Variants in PAIP2 observed in about 807,000 individuals in gnomAD.
PAIP2 encodes the protein polyadenylate-binding protein-interacting protein 2.
In PAIP2, 7 loss-of-function variants were observed where a neutral mutation model predicts 14.8. The ratio of observed to expected loss-of-function variants is 0.47; its 90% CI spans 0.27 to 0.89. The LOEUF (loss-of-function observed/expected upper bound fraction) is 0.89. Ranked by LOEUF, PAIP2 falls within the 40% of genes least tolerant of loss-of-function variation. The pLI is 0.13. For synonymous variants in PAIP2, 47 were observed against 45.3 expected, an observed-to-expected ratio of 1.04 and a Z score of -0.15; for missense variants, 122 against 154.7, an observed-to-expected ratio of 0.79 and a Z score of 1.12.
intron 1 of PAIP2, among the ~76,000 whole-genome samples, chr5:139,354,443 C>T (rs1488645641): frequency 1.3e-5 from 2 of 152,062 alleles, no homozygotes; most frequent in Non-Finnish European, 2.9e-5. Context: ...TTTCAAGATG[C>T]TCTCTTTGTC....
At chr5:139,368,062 G>A (rs967759203) in intron 3 of PAIP2, among the ~76,000 whole-genome samples, 1 of 152,184 alleles carries the variant, frequency 6.6e-6, no homozygotes, top group East Asian at 1.9e-4. Flanking sequence ...TAGGCCGGGC[G>A]CGGTGGCTTA....
At chr5:139,345,429 G>A (rs1478468384) in intron 1 of PAIP2, among the ~76,000 whole-genome samples, 1 of 152,108 alleles carries the variant, frequency 6.6e-6, no homozygotes, top group Admixed American at 6.5e-5. Context: ...GTGGAAAACA[G>A]ACCAATTGAA....
intron 1 of PAIP2, among the ~76,000 whole-genome samples, chr5:139,355,393 A>T (rs1435142031): frequency 2.0e-5 from 3 of 151,826 alleles, no homozygotes; most frequent in Non-Finnish European, 2.9e-5. Flanking sequence ...GCTGGGCTTG[A>T]ACTCCTGACC....
At chr5:139,359,813 T>C (rs1006364525) in intron 1 of PAIP2, among the ~76,000 whole-genome samples, 1 of 150,852 alleles carries the variant, frequency 6.6e-6, no homozygotes, top group South Asian at 2.1e-4. Flanking sequence ...CTACTAAAAA[T>C]ACAAAAAAAT....
chr5:139,368,761 A>T lies in PAIP2; in HGVS notation c.347A>T (p.Lys116Met). Reference protein sequence around the residue: ...VVKSNLNPNAKEFVPGVKYGN... With the variant: ...VVKSNLNPNAMEFVPGVKYGN... ...AAGAGCAATCTGAATCCAAATGCAAAGGAGTTTGTTCCTGGGGTGAAGTAC... is the reference window on the plus strand; with the variant it reads ...AAGAGCAATCTGAATCCAAATGCAATGGAGTTTGTTCCTGGGGTGAAGTAC... The change falls in exon 4 of 4, where the codon AAG becomes ATG. Residue 116 changes from lysine to methionine, a missense_variant. Physicochemically the swap from Lys to Met is moderately conservative, Grantham distance 95. Around this residue, in one of 3 missense-constraint regions of PAIP2, gnomAD observed 46 missense variants for 44.0 expected, o/e 1.05. Coordinates refer to ENST00000265192, the MANE Select transcript of PAIP2 (RefSeq NM_016480.5). 6.2e-7 allele frequency: 1 copy of T among 1,613,712 alleles called. No individual in the cohort carries two copies. Among genetic ancestry groups the T allele is most frequent in the Non-Finnish European group, 8.5e-7 (1 of 1,179,734 alleles).
chr5:139,350,612 CAG>C (rs1345121809), intron 1 of PAIP2, among the ~76,000 whole-genome samples: 2 of 150,074 alleles, frequency 1.3e-5, no homozygotes. Context: ...GCCTGGGTGA[CAG>C]AGTGAGACTC....
intron 1 of PAIP2, among the ~76,000 whole-genome samples, chr5:139,345,359 C>T (rs911299509): frequency 3.3e-5 from 5 of 152,054 alleles, no homozygotes; most frequent in Admixed American, 6.6e-5. Context: ...GTTTTTTAAT[C>T]GTTACCTTAC....
intron 1 of PAIP2, among the ~76,000 whole-genome samples, chr5:139,362,242 G>A (rs1220961248): frequency 6.6e-6 from 1 of 151,844 alleles, no homozygotes; most frequent in Non-Finnish European, 1.5e-5. Flanking sequence ...GTTGTTTGAG[G>A]TGGAGTTTCC....
intron 1 of PAIP2, among the ~76,000 whole-genome samples, 190 bp from the exon 2 acceptor site, chr5:139,363,569 T>A (rs931501396): frequency 6.6e-5 from 10 of 151,556 alleles, no homozygotes; most frequent in Admixed American, 2.0e-4. Flanking sequence ...ATAAAAAAAA[T>A]TCAGCCGGGT....
chr5:139,345,347 A>G (rs960311286), intron 1 of PAIP2, among the ~76,000 whole-genome samples: 6 of 152,116 alleles, frequency 3.9e-5, no homozygotes, highest in African/African-American at 1.4e-4. Flanking sequence ...CCCAGAGCCC[A>G]TGTTTTTTAA....
chr5:139,360,775 T>G (rs1372409950), intron 1 of PAIP2, among the ~76,000 whole-genome samples: 1 of 150,706 alleles, frequency 6.6e-6, no homozygotes, highest in African/African-American at 2.4e-5. Context: ...CTTCCTGCCT[T>G]TCTTTTTTTT....
intron 1 of PAIP2, among the ~76,000 whole-genome samples, chr5:139,362,757 C>G (rs1470699648): frequency 1.3e-5 from 2 of 151,742 alleles, no homozygotes; most frequent in African/African-American, 4.8e-5. Flanking sequence ...TTAGGCTGGT[C>G]TCAAACTCCT....
chr5:139,347,938 G>A (rs56968301), intron 1 of PAIP2, among the ~76,000 whole-genome samples: 1 of 152,116 alleles, frequency 6.6e-6, no homozygotes, highest in Non-Finnish European at 1.5e-5. Context: ...TCGGGAGGCC[G>A]AGGTGGGCGG....
In PAIP2 at chr5:139,368,886, T is replaced by G; in HGVS notation, c.*88T>G. ...AGACTTAATTGTAAAAGCTCTCTTG[T>G]CACTGTGTTACACTTATGCATTGCC... On this transcript the variant is annotated 3_prime_UTR_variant, in exon 4 of 4. Coordinates refer to ENST00000265192, the MANE Select transcript of PAIP2 (RefSeq NM_016480.5). 9.8e-7 allele frequency: 1 copy of G among 1,017,436 alleles called. No individual in the cohort carries two copies. Among genetic ancestry groups the G allele is most frequent in the South Asian group, 1.3e-5 (1 of 74,176 alleles). The allele number at this position is 1,017,436 out of a possible 1,614,324, so 63.0% of individuals were successfully genotyped here.
chr5:139,366,777 G>T (rs894228543), intron 3 of PAIP2, among the ~76,000 whole-genome samples: 5 of 152,202 alleles, frequency 3.3e-5, no homozygotes, highest in Non-Finnish European at 5.9e-5. Flanking sequence ...TAAGAACACT[G>T]TGCCTGGATG....
chr5:139,358,547 C>T (rs1456693105), intron 1 of PAIP2, among the ~76,000 whole-genome samples: 3 of 150,048 alleles, frequency 2.0e-5, no homozygotes, highest in Admixed American at 2.0e-4. Flanking sequence ...AAAACGTGCT[C>T]ATATAAAAAC....
intron 1 of PAIP2, among the ~76,000 whole-genome samples, chr5:139,360,407 C>G (rs540848577): frequency 1.0e-3 from 157 of 152,318 alleles, no homozygotes; most frequent in Non-Finnish European, 1.9e-3. Flanking sequence ...CCTCAATTTC[C>G]TAACAAATCA....
Position 139,363,902 on chromosome 5 carries a change from G to A in PAIP2, c.118G>A (p.Glu40Lys). Residue 40 changes from glutamate to lysine, a missense_variant, in exon 2 of 4, where the codon GAA becomes AAA. Around this residue, in one of 3 missense-constraint regions of PAIP2, gnomAD observed 34 missense variants for 74.0 expected, o/e 0.46. Coordinates refer to ENST00000265192, the MANE Select transcript of PAIP2 (RefSeq NM_016480.5). The part of the protein sequence containing the change: ...PFAEYMWMEN[E>K]EEFNRQIEEE... Reference sequence around the variant, plus strand: ...TGCAGAGTACATGTGGATGGAAAATGAAGAAGAATTCAACAGACAAGTTAG... The same window carrying A: ...TGCAGAGTACATGTGGATGGAAAATAAAGAAGAATTCAACAGACAAGTTAG... 1 of 1,613,692 alleles carries A rather than the reference G, an allele frequency of 6.2e-7. No individual in the cohort carries two copies. The highest frequency in any genetic ancestry group is 8.5e-7 in the Non-Finnish European group (1 of 1,179,760).
chr5:139,350,001 AAAAAAT>A (rs1434633172), intron 1 of PAIP2, among the ~76,000 whole-genome samples: 1 of 150,860 alleles, frequency 6.6e-6, no homozygotes, highest in African/African-American at 2.4e-5. Flanking sequence ...ACTCTGTCTC[AAAAAAT>A]AAAAATAAGA....
Sources: gnomAD v4.1 joint callset for allele counts (sites outside exome capture counted in the v4.1 genomes callset) on GRCh38, gnomAD v4.1.1 for gene constraint, gnomAD v4.1.1 regional missense constraint, MANE v1.5 for transcripts, NCBI Gene and HGNC (gene_info 2026-07-23, HGNC 2026-07-21) for gene names.